The following C5orf34 variants were observed in gnomAD, a reference collection of about 807,000 sequenced individuals.
C5orf34 encodes the protein chromosome 5 open reading frame 34, also known as uncharacterized protein C5orf34.
C5orf34 carries 73 observed loss-of-function variants against 78.4 expected under a neutral mutation model. The observed-to-expected ratio is 0.93, with a 90% CI of 0.77 to 1.13. The LOEUF (loss-of-function observed/expected upper bound fraction) is 1.13. C5orf34 is among the 50% of genes most tolerant of loss of function. The probability of loss-of-function intolerance (pLI) is 0.00; values close to 1 mark genes in which losing one functional copy is unlikely to be tolerated. For synonymous variants in C5orf34, 251 were observed against 246.6 expected (o/e 1.02, Z -0.17); for missense variants, 730 against 732.7 (o/e 1.00, Z 0.04).
chr5:43,487,194 T>G (rs1167424848), intron 12 of C5orf34, 83 bp from the exon 13 acceptor site: 5 of 645,520 alleles, frequency 7.7e-6, no homozygotes, highest in Non-Finnish European at 1.2e-5. Context: ...GGCTTCATAT[T>G]AAAATATTTC....
At chr5:43,488,930 T>C (rs1745165564) in intron 11 of C5orf34, among the ~76,000 whole-genome samples, 1 of 152,072 alleles carries the variant, frequency 6.6e-6, no homozygotes, top group African/African-American at 2.4e-5. Context: ...TTATTGGCTT[T>C]ACTACAACAG....
intron 1 of C5orf34, among the ~76,000 whole-genome samples, chr5:43,510,774 G>A (rs976065559): frequency 2.7e-4 from 41 of 152,020 alleles, no homozygotes; most frequent in African/African-American, 8.4e-4. Flanking sequence ...GTGCAGTGGC[G>A]TGATCTCGGC....
chr5:43,513,121 T>A (rs1746346490), intron 1 of C5orf34, among the ~76,000 whole-genome samples: 1 of 152,164 alleles, frequency 6.6e-6, no homozygotes, highest in Non-Finnish European at 1.5e-5. Context: ...TTAATGTATG[T>A]AATCAGCTGT....
At chr5:43,491,967 G>T (rs1193657219) in intron 10 of C5orf34, among the ~76,000 whole-genome samples, 1 of 137,428 alleles carries the variant, frequency 7.3e-6, no homozygotes, top group Non-Finnish European at 1.5e-5. Flanking sequence ...TCGTGCCATT[G>T]TACTCCGGCC....
chr5:43,510,233 C>T (rs1437872710), intron 1 of C5orf34, among the ~76,000 whole-genome samples: 1 of 152,124 alleles, frequency 6.6e-6, no homozygotes, highest in Non-Finnish European at 1.5e-5. Flanking sequence ...AATCCAAATA[C>T]CTGGAATCCT....
chr5:43,505,709 G>C (rs777065903), intron 4 of C5orf34, 39 bp downstream of exon 4: 2 of 1,502,398 alleles, frequency 1.3e-6, no homozygotes, highest in Non-Finnish European at 8.9e-7. Flanking sequence ...GACTGGTTCT[G>C]ATAAAAAGCT....
At chr5:43,502,680 G>C (rs1417001762) in intron 5 of C5orf34, among the ~76,000 whole-genome samples, 185 bp from the exon 6 acceptor site, 2 of 152,174 alleles carry the variant, frequency 1.3e-5, no homozygotes, top group African/African-American at 2.4e-5. Context: ...TTCACGAAAA[G>C]ATAAATAGAA....
chr5:43,498,232 C>CA (rs1745621448), intron 6 of C5orf34, among the ~76,000 whole-genome samples: 2 of 152,194 alleles, frequency 1.3e-5, no homozygotes, highest in South Asian at 4.1e-4. Flanking sequence ...GGGAAGCACT[C>CA]AAAATACCAT....
At chr5:43,505,023 A>T (rs563823877) in intron 4 of C5orf34, among the ~76,000 whole-genome samples, 1 of 152,310 alleles carries the variant, frequency 6.6e-6, no homozygotes, top group Admixed American at 6.5e-5. Context: ...GTTCCTCTAC[A>T]TATAGGGATG....
chr5:43,501,661 T>G (rs1406991162), intron 6 of C5orf34, among the ~76,000 whole-genome samples: 1 of 152,182 alleles, frequency 6.6e-6, no homozygotes, highest in Non-Finnish European at 1.5e-5. Context: ...GTTTGAAATT[T>G]CCATAGTTAA....
intron 7 of C5orf34, among the ~76,000 whole-genome samples, chr5:43,494,039 C>G (rs573370081): frequency 6.6e-6 from 1 of 152,228 alleles, no homozygotes; most frequent in East Asian, 1.9e-4. Context: ...AAAGAAACAA[C>G]AGTCCACTTG....
At chr5:43,506,485 G>C in intron 3 of C5orf34, 91 bp from the exon 4 acceptor site, 1 of 1,289,456 alleles carries the variant, frequency 7.8e-7, no homozygotes, top group Non-Finnish European at 1.0e-6. Context: ...GTGTAAGAAA[G>C]CTCTTAAATA....
intron 6 of C5orf34, chr5:43,495,606 T>C: frequency 1.2e-6 from 2 of 1,611,702 alleles, no homozygotes; most frequent in Non-Finnish European, 1.7e-6. Flanking sequence ...TCTGTTGTAA[T>C]GTTGACTGGA....
intron 1 of C5orf34, among the ~76,000 whole-genome samples, chr5:43,510,384 T>C (rs1746171614): frequency 6.6e-6 from 1 of 152,182 alleles, no homozygotes; most frequent in African/African-American, 2.4e-5. Context: ...ACCTATGCTC[T>C]CCATACAGCA....
rs553770970 is a variant in C5orf34 at position 43,510,575 on chromosome 5, T to C, written c.-36-1200A>G. ...CCTGCCTCAGCCTGCCCAGTGCCTG[T>C]GATTGCAGGCGCGCGCTGCCACGCC... On this transcript the variant is annotated intron_variant, in intron 1 of 12. Coordinates refer to ENST00000306862, the MANE Select transcript of C5orf34 (RefSeq NM_198566.4). Among the ~76,000 whole-genome samples the C allele has an allele frequency of 2.4e-3, 369 of 152,252 alleles. 2 individuals are homozygous for C. The highest frequency in any genetic ancestry group is 8.3e-3 in the African/African-American group (345 of 41,544).
intron 6 of C5orf34, chr5:43,495,165 C>G (rs1745448435): frequency 1.2e-6 from 2 of 1,609,532 alleles, no homozygotes; most frequent in Non-Finnish European, 1.7e-6. Context: ...CCCACCGCAA[C>G]TGTCTGTCTC....
At position 43,515,049 on chromosome 5, in the gene C5orf34, G is replaced by A. The variant is rs980626887; in HGVS notation, c.-280C>T. The A allele has an allele frequency of 6.6e-6, 1 of 152,272 alleles. No individual in the cohort carries two copies. The highest frequency in any genetic ancestry group is 1.5e-5 in the Non-Finnish European group (1 of 68,074). The allele number at this position is 152,272 out of a possible 1,614,324, so 9.4% of individuals were successfully genotyped here. On this transcript the variant is annotated 5_prime_UTR_variant, in exon 1 of 13. Transcript: ENST00000306862. ...AAGATGCCCGCCACGAAACAGGAAAGCGGAGACAGCGCCAACTGTAACCAC... is the reference window on the plus strand; with the variant it reads ...AAGATGCCCGCCACGAAACAGGAAAACGGAGACAGCGCCAACTGTAACCAC...
At position 43,509,177 on chromosome 5, in the gene C5orf34, G is replaced by T. The variant is rs1019401154; in HGVS notation, c.163C>A (p.Gln55Lys). The change falls in exon 2 of 13, where the codon CAA becomes AAA. Residue 55 changes from glutamine to lysine, a missense_variant. Transcript: ENST00000306862. ...GTGCTAATGACAAAATGTGTCCTTT[G>T]ACGAATTCTTTCTGGTTGTTCTAAA... ...HPLEQPERIR[Q>K]RTHFVISTYR... 4 of 1,613,602 alleles carry T rather than the reference G, an allele frequency of 2.5e-6. No homozygotes were observed. The East Asian group carries it at 8.9e-5, about 36-fold the overall frequency.
At chr5:43,501,759 A>G (rs1156699199) in intron 6 of C5orf34, among the ~76,000 whole-genome samples, 1 of 152,172 alleles carries the variant, frequency 6.6e-6, no homozygotes, top group Admixed American at 6.5e-5. Context: ...AAGAGAGAAA[A>G]CATACTTATT....
Sources: gnomAD v4.1 joint callset for allele counts (sites outside exome capture counted in the v4.1 genomes callset) on GRCh38, gnomAD v4.1.1 for gene constraint, MANE v1.5 for transcripts, NCBI Gene and HGNC (gene_info 2026-07-23, HGNC 2026-07-21) for gene names.